Variants in GALNT14 observed in about 807,000 individuals in gnomAD.
GALNT14 encodes polypeptide N-acetylgalactosaminyltransferase 14.
GALNT14 carries 60 observed loss-of-function variants against 77.5 expected under a neutral mutation model. That is an observed-to-expected ratio of 0.77 (90% CI 0.63 to 0.96). The LOEUF (loss-of-function observed/expected upper bound fraction) is 0.96, where lower values mean the gene tolerates loss of function less well. Ranked by LOEUF, GALNT14 falls within the 40% of genes least tolerant of loss-of-function variation. The pLI is 0.00. For synonymous variants in GALNT14, 280 were observed against 281.7 expected, an observed-to-expected ratio of 0.99 and a Z score of 0.06; for missense variants, 710 against 731.0, an observed-to-expected ratio of 0.97 and a Z score of 0.33.
rs562424139 is a variant in GALNT14, at chr2:31,062,918, T to C, written c.130-69911A>G. On this transcript the variant is annotated intron_variant, in intron 1 of 14. Coordinates refer to ENST00000349752, the MANE Select transcript of GALNT14 (RefSeq NM_024572.4). ...ACTTTTTGATAGGGTTGTTTGGTTT[T>C]ACTCTTGTAAATTTGCTTACGTTCC... 2.0e-5 allele frequency among the ~76,000 whole-genome samples: 3 copies of C among 152,368 alleles called. No homozygotes were observed. The South Asian group carries it at 6.2e-4, about 32-fold the overall frequency.
rs1679299854 is a variant in GALNT14 at position 31,137,906 on chromosome 2, G to A, written c.129+52C>T. 6.4e-6 allele frequency: 10 copies of A among 1,560,588 alleles called. No homozygotes were observed. The Admixed American group carries it at 1.9e-4, about 30-fold the overall frequency. On this transcript the variant is annotated intron_variant, in intron 1 of 14. Coordinates refer to ENST00000349752, the MANE Select transcript of GALNT14 (RefSeq NM_024572.4). ...CCCGCAAACCCGGCACGCGGGCTGC[G>A]CGCCCTCCCGCAAGCCACCGCTCAG...
chr2:30,948,008 C>T (rs995903925), intron 6 of GALNT14, among the ~76,000 whole-genome samples: 3 of 152,200 alleles, frequency 2.0e-5, no homozygotes, highest in Non-Finnish European at 1.5e-5. Flanking sequence ...GCTCTTGGGC[C>T]ACTGTCATTG....
chr2:31,009,998 C>T (rs530923192), intron 1 of GALNT14, among the ~76,000 whole-genome samples: 4 of 152,204 alleles, frequency 2.6e-5, no homozygotes, highest in African/African-American at 7.2e-5. Flanking sequence ...TGTTTTGTTT[C>T]GTTTTTAGAC....
At chr2:31,046,519 C>T (rs1326421509) in intron 1 of GALNT14, among the ~76,000 whole-genome samples, 2 of 152,164 alleles carry the variant, frequency 1.3e-5, no homozygotes, top group Admixed American at 1.3e-4. Flanking sequence ...TGAGCCACCG[C>T]GCGTGGCCTG....
intron 1 of GALNT14, among the ~76,000 whole-genome samples, chr2:31,084,170 C>T (rs926067597): frequency 3.9e-5 from 6 of 152,182 alleles, no homozygotes; most frequent in African/African-American, 1.4e-4. Flanking sequence ...CAATTTTATC[C>T]TTTTATCCTC....
At chr2:30,916,027 T>C (rs371379691) in intron 13 of GALNT14, among the ~76,000 whole-genome samples, 40 of 152,304 alleles carry the variant, frequency 2.6e-4, no homozygotes, top group Middle Eastern at 3.4e-3. Context: ...ACAAGTTTTA[T>C]TGGGGTCTGA....
intron 3 of GALNT14, among the ~76,000 whole-genome samples, chr2:30,962,855 A>T (rs927357467): frequency 2.0e-5 from 3 of 152,220 alleles, no homozygotes; most frequent in Non-Finnish European, 4.4e-5. Flanking sequence ...GAGACAGGAC[A>T]TGTCCTTCAG....
At chr2:30,976,887 T>A (rs1240026102) in intron 2 of GALNT14, among the ~76,000 whole-genome samples, 3 of 151,942 alleles carry the variant, frequency 2.0e-5, no homozygotes, top group African/African-American at 7.3e-5. Context: ...GCACAGTAAC[T>A]CCCCGAGGTG....
intron 1 of GALNT14, among the ~76,000 whole-genome samples, chr2:31,119,653 A>C (rs1205595423): frequency 6.6e-6 from 1 of 152,236 alleles, no homozygotes; most frequent in Non-Finnish European, 1.5e-5. Flanking sequence ...TAATATAAAA[A>C]TTACAGACTC....
At chr2:31,063,087 G>C (rs190506538) in intron 1 of GALNT14, among the ~76,000 whole-genome samples, 1 of 152,200 alleles carries the variant, frequency 6.6e-6, no homozygotes, top group East Asian at 1.9e-4. Context: ...GTTAATTTTG[G>C]CTTTTGTTGC....
At chr2:30,936,886 T>C (rs78346709) in intron 9 of GALNT14, among the ~76,000 whole-genome samples, 485 of 152,314 alleles carry the variant, frequency 3.2e-3, no homozygotes, top group African/African-American at 0.011. Context: ...CCTTTATCTT[T>C]CCATATTCTC....
intron 6 of GALNT14, 70 bp from the exon 7 acceptor site, chr2:30,945,940 G>T: frequency 7.8e-7 from 1 of 1,280,324 alleles, no homozygotes; most frequent in Non-Finnish European, 1.1e-6. Flanking sequence ...GCTTGGGATG[G>T]CCTCGTGAGG....
intron 1 of GALNT14, among the ~76,000 whole-genome samples, chr2:31,028,816 T>G (rs527460975): frequency 1.3e-5 from 2 of 152,150 alleles, no homozygotes; most frequent in African/African-American, 4.8e-5. Flanking sequence ...AAGGTGGTAT[T>G]TCATTGGCAT....
intron 1 of GALNT14, among the ~76,000 whole-genome samples, chr2:31,100,819 C>T (rs1470878441): frequency 6.6e-6 from 1 of 151,984 alleles, no homozygotes. Context: ...ATCCACCTCA[C>T]CTACTGAACA....
chr2:31,124,248 C>G (rs1678575579), intron 1 of GALNT14, among the ~76,000 whole-genome samples: 1 of 152,196 alleles, frequency 6.6e-6, no homozygotes, highest in South Asian at 2.1e-4. Context: ...GCACTCCTGC[C>G]AGGGCTCTAG....
the GALNT14 span, among the ~76,000 whole-genome samples, chr2:30,889,290 G>C: frequency 6.6e-6 from 1 of 152,144 alleles, no homozygotes; most frequent in Non-Finnish European, 1.5e-5. Context: ...CAGGAGCTGC[G>C]GTGTTTAACT....
chr2:31,129,723 G>A (rs1482062211), intron 1 of GALNT14: 1 of 861,294 alleles, frequency 1.2e-6, no homozygotes, highest in South Asian at 5.3e-5. Flanking sequence ...GCTGGGAGGT[G>A]GGGGGTGGGA....
At chr2:31,102,660 C>G (rs1316585836) in intron 1 of GALNT14, among the ~76,000 whole-genome samples, 1 of 152,086 alleles carries the variant, frequency 6.6e-6, no homozygotes, top group Non-Finnish European at 1.5e-5. Context: ...TCAACCAGAT[C>G]TACTTTATTA....
chr2:31,019,054 C>G (rs13009779), intron 1 of GALNT14, among the ~76,000 whole-genome samples: 1 of 151,918 alleles, frequency 6.6e-6, no homozygotes, highest in Non-Finnish European at 1.5e-5. Context: ...TCACATCATC[C>G]TGAGAACAAC....
Sources: gnomAD v4.1 joint callset for allele counts (sites outside exome capture counted in the v4.1 genomes callset) on GRCh38, gnomAD v4.1.1 for gene constraint, MANE v1.5 for transcripts, NCBI Gene and HGNC (gene_info 2026-07-23, HGNC 2026-07-21) for gene names.